Variants in CCNY observed in about 807,000 individuals in gnomAD.
CCNY encodes cyclin Y.
A neutral mutation model predicts 42.8 loss-of-function variants in CCNY; 19 were observed. That is an observed-to-expected ratio of 0.44 (90% CI 0.31 to 0.65). The LOEUF (loss-of-function observed/expected upper bound fraction) is 0.65, where lower values mean the gene tolerates loss of function less well. Ranked by LOEUF, CCNY falls within the 30% of genes least tolerant of loss-of-function variation. The pLI, the probability that CCNY is intolerant of heterozygous loss-of-function variation, is 0.07. For missense variants in CCNY, 370 were observed against 437.3 expected (o/e 0.85, Z 1.37); for synonymous variants, 165 against 162.7 (o/e 1.01, Z -0.11).
intron 7 of CCNY, among the ~76,000 whole-genome samples, chr10:35,533,081 G>A (rs529704368): frequency 3.0e-4 from 46 of 152,206 alleles, no homozygotes; most frequent in African/African-American, 9.9e-4. Context: ...TGTGCAGGTC[G>A]GCTTTCTTGC....
At chr10:35,290,415 TAAAA>T (rs60240989) in intron 3 of CCNY, among the ~76,000 whole-genome samples, 1 of 146,036 alleles carries the variant, frequency 6.8e-6, no homozygotes, top group Non-Finnish European at 1.5e-5. Context: ...GACTCTGTCT[TAAAA>T]AAAAAAAAAT....
chr10:35,470,215 A>G (rs1239122616), intron 1 of CCNY, among the ~76,000 whole-genome samples: 1 of 150,838 alleles, frequency 6.6e-6, no homozygotes, highest in Non-Finnish European at 1.5e-5. Context: ...AGAGACAGGG[A>G]GTTGGAGAGA....
At position 35,490,756 on chromosome 10, in the gene CCNY, G is replaced by C. The variant is rs115294642; in HGVS notation, c.229+7278G>C. On this transcript the variant is annotated intron_variant, in intron 2 of 9. Coordinates refer to ENST00000374704, the MANE Select transcript of CCNY (RefSeq NM_145012.6). ...GACACATGAACCTGGATTGAAGGTG[G>C]TTACCACAACCCCAGTGGCTGCTTG... Among the ~76,000 whole-genome samples the C allele has an allele frequency of 3.3e-3, 503 of 152,324 alleles. 4 individuals are homozygous for C. Among genetic ancestry groups the C allele is most frequent in the African/African-American group, 0.011 (475 of 41,558 alleles).
chr10:35,554,978 C>A (rs1330512062), intron 8 of CCNY, among the ~76,000 whole-genome samples: 1 of 152,186 alleles, frequency 6.6e-6, no homozygotes, highest in Non-Finnish European at 1.5e-5. Context: ...ACTGAATTTT[C>A]ATGGAAACTT....
At chr10:35,281,827 G>A (rs934846430) in intron 3 of CCNY, among the ~76,000 whole-genome samples, 1 of 152,126 alleles carries the variant, frequency 6.6e-6, no homozygotes, top group Non-Finnish European at 1.5e-5. Context: ...GGATGGTGTT[G>A]ATTGTGGTAA....
intron 3 of CCNY, among the ~76,000 whole-genome samples, chr10:35,255,687 T>G (rs1244820380): frequency 6.6e-6 from 1 of 151,740 alleles, no homozygotes; most frequent in East Asian, 1.9e-4. Context: ...CTCAACCTCC[T>G]GGGCTCAAGT....
chr10:35,266,752 A>G (rs945872272), intron 3 of CCNY, among the ~76,000 whole-genome samples: 2 of 152,086 alleles, frequency 1.3e-5, no homozygotes, highest in Non-Finnish European at 2.9e-5. Context: ...CCTGATTTGA[A>G]TGTAATTCAT....
chr10:35,491,281 T>C (rs1839889201), intron 2 of CCNY, among the ~76,000 whole-genome samples: 1 of 152,184 alleles, frequency 6.6e-6, no homozygotes, highest in African/African-American at 2.4e-5. Context: ...AAATTGACAA[T>C]GGACACACCT....
At chr10:35,489,263 T>C (rs1164396567) in intron 2 of CCNY, among the ~76,000 whole-genome samples, 1 of 152,232 alleles carries the variant, frequency 6.6e-6, no homozygotes, top group Non-Finnish European at 1.5e-5. Flanking sequence ...ATTACTGAAA[T>C]GAGGCAGTAT....
chr10:35,298,569 A>G (rs889221212), intron 3 of CCNY, among the ~76,000 whole-genome samples: 3 of 152,154 alleles, frequency 2.0e-5, no homozygotes, highest in African/African-American at 4.8e-5. Context: ...AGGCTGGAGT[A>G]CAGTGGCACA....
rs1839588860 is a variant in CCNY at position 35,478,947 on chromosome 10, A to T, written c.155-4457A>T. On this transcript the variant is annotated intron_variant, in intron 1 of 9. Coordinates refer to ENST00000374704, the MANE Select transcript of CCNY (RefSeq NM_145012.6). ...AACCGCATCAAAAAGTGGGTGAAGG[A>T]CATGAACAGACACTTCTCAAAAGAA... 2.6e-5 allele frequency among the ~76,000 whole-genome samples: 4 copies of T among 152,366 alleles called. No homozygotes were observed. The South Asian group carries it at 8.3e-4, about 32-fold the overall frequency.
At chr10:35,547,268 C>T (rs901696886) in intron 7 of CCNY, among the ~76,000 whole-genome samples, 25 of 152,106 alleles carry the variant, frequency 1.6e-4, no homozygotes, top group Admixed American at 7.9e-4. Flanking sequence ...TAATAAATGC[C>T]GTTAAAAATG....
Position 35,363,179 on chromosome 10 carries a change from C to CCGA in CCNY, c.154+25975_154+25977dup, listed in dbSNP as rs200201481. 3.6e-3 allele frequency among the ~76,000 whole-genome samples: 546 copies of CCGA among 150,448 alleles called. 1 individual carries two copies. The highest frequency in any genetic ancestry group is 0.013 in the African/African-American group (524 of 40,900). On this transcript the variant is annotated intron_variant, in intron 1 of 9. Transcript: ENST00000374704. Reference sequence around the variant, plus strand: ...ACCAACAGAGGTGGTCCTCACTTCCCCGACGGGGCGGCAGCTGGGCAGAGG... The same window carrying CCGA: ...ACCAACAGAGGTGGTCCTCACTTCCCCGACGACGGGGCGGCAGCTGGGCAGAGG...
chr10:35,532,413 G>A (rs1232137883), intron 7 of CCNY, among the ~76,000 whole-genome samples: 2 of 152,234 alleles, frequency 1.3e-5, no homozygotes, highest in Non-Finnish European at 2.9e-5. Context: ...CTTCCCACAC[G>A]GAGTAGGACT....
chr10:35,326,993 A>C (rs2135100885), intron 3 of CCNY, among the ~76,000 whole-genome samples: 1 of 152,302 alleles, frequency 6.6e-6, no homozygotes, highest in East Asian at 1.9e-4. Flanking sequence ...ATTTTGTTCT[A>C]ACGTGGGCAT....
intron 3 of CCNY, among the ~76,000 whole-genome samples, chr10:35,324,151 C>T (rs990923251): frequency 1.3e-5 from 2 of 152,066 alleles, no homozygotes; most frequent in Admixed American, 6.6e-5. Flanking sequence ...TAAGAAGCCT[C>T]CACTTAGACA....
At chr10:35,522,473 G>T (rs145648766) in intron 4 of CCNY, among the ~76,000 whole-genome samples, 2 of 152,158 alleles carry the variant, frequency 1.3e-5, no homozygotes, top group African/African-American at 2.4e-5. Context: ...TTAGAGGAAC[G>T]CAGACAAATT....
At chr10:35,293,607 T>C (rs1564360576) in intron 3 of CCNY, among the ~76,000 whole-genome samples, 1 of 152,198 alleles carries the variant, frequency 6.6e-6, no homozygotes, top group Non-Finnish European at 1.5e-5. Context: ...TGGGATGTTA[T>C]CCCATTTACT....
At position 35,569,364 on chromosome 10, in the gene CCNY, G is replaced by C. The variant is rs1043554115; in HGVS notation, c.*194G>C. The C allele has an allele frequency of 6.9e-6, 4 of 581,494 alleles. No homozygotes were observed. The highest frequency in any genetic ancestry group is 6.3e-5 in the South Asian group (3 of 47,816). 36.0% of individuals were successfully genotyped at this position (581,494 alleles called of 1,614,324 possible). ...GTCAGTGCCCTGGAGATCCCAGCTC[G>C]CTCTCCCCACTGTCAGCAACAGCAC... On this transcript the variant is annotated 3_prime_UTR_variant, in exon 10 of 10. Coordinates refer to ENST00000374704, the MANE Select transcript of CCNY (RefSeq NM_145012.6).
Sources: allele counts gnomAD v4.1 joint callset (sites outside exome capture counted in the v4.1 genomes callset), GRCh38; gene constraint gnomAD v4.1.1; transcripts MANE v1.5; gene names NCBI Gene and HGNC (gene_info 2026-07-23, HGNC 2026-07-21).